The following FAT2 variants were observed in gnomAD, a reference collection of about 807,000 sequenced individuals.
The protein encoded by FAT2 is protocadherin Fat 2.
FAT2 carries 150 observed loss-of-function variants against 295.3 expected under a neutral mutation model. That is an observed-to-expected ratio of 0.51 (90% CI 0.44 to 0.58). FAT2 has a LOEUF of 0.58. Ranked by LOEUF, FAT2 falls within the 20% of genes least tolerant of loss-of-function variation. The probability of loss-of-function intolerance (pLI) is 0.00; values close to 1 mark genes in which losing one functional copy is unlikely to be tolerated. For missense variants in FAT2, 4,868 were observed against 5,442.7 expected (o/e 0.89, Z 3.32); for synonymous variants, 2,026 against 2,150.3 (o/e 0.94, Z 1.60).
intron 11 of FAT2, among the ~76,000 whole-genome samples, chr5:151,538,393 T>G (rs1755714538): frequency 6.6e-6 from 1 of 152,178 alleles, no homozygotes; most frequent in Non-Finnish European, 1.5e-5. Flanking sequence ...GGCGAGGCCA[T>G]GCTATTAAGC....
chr5:151,508,841 A>G (rs1281843945), intron 22 of FAT2, among the ~76,000 whole-genome samples: 1 of 152,184 alleles, frequency 6.6e-6, no homozygotes, highest in Non-Finnish European at 1.5e-5. Flanking sequence ...TCTTATACAC[A>G]GGCTAATAGC....
intron 2 of FAT2, among the ~76,000 whole-genome samples, chr5:151,564,641 G>T (rs948371792): frequency 1.2e-4 from 18 of 152,288 alleles, no homozygotes; most frequent in African/African-American, 4.1e-4. Context: ...GTGGGCACTC[G>T]AACAGTGCTG....
chr5:151,537,213 A>G (rs1043607293), intron 12 of FAT2, among the ~76,000 whole-genome samples: 6 of 133,736 alleles, frequency 4.5e-5, no homozygotes, highest in Admixed American at 1.6e-4. Flanking sequence ...GAAGAAGAGG[A>G]AGAAGAAGAG....
chr5:151,538,041 AAG>A (rs1755653818), intron 11 of FAT2, 95 bp from the exon 12 acceptor site: 2 of 1,106,330 alleles, frequency 1.8e-6, no homozygotes, highest in African/African-American at 3.1e-5. Flanking sequence ...CAGAAGCAGA[AAG>A]AGAGACACTA....
In FAT2 at chr5:151,540,777, G is replaced by A. The variant is rs1367255027; in HGVS notation, c.8843-14C>T. 1.9e-6 allele frequency: 3 copies of A among 1,599,906 alleles called. No homozygotes were observed. Among genetic ancestry groups the A allele is most frequent in the Non-Finnish European group, 2.6e-6 (3 of 1,169,776 alleles). ...GGGGGTCTCCCTCTAAACAGATGGG[G>A]CAGAGCTTTCAGAAGCCAAGCAATA... On this transcript the variant is annotated splice_polypyrimidine_tract_variant and intron_variant, in intron 10 of 23. Coordinates refer to ENST00000261800, the MANE Select transcript of FAT2 (RefSeq NM_001447.3).
Position 151,521,858 on chromosome 5 carries a change from A to C in FAT2, c.10735T>G (p.Ser3579Ala), listed in dbSNP as rs1048575237. The C allele has an allele frequency of 6.2e-7, 1 of 1,614,204 alleles. No homozygotes were observed. Among genetic ancestry groups the C allele is most frequent in the Middle Eastern group, 1.6e-4 (1 of 6,062 alleles). ...AEEETLGRHF[S>A]VGAPDGKIIA... ...ATCTTGCCATCAGGCGCACCCACTG[A>C]GAAGTGCCTGCCCAGGGTCTCCTCT... The change falls in exon 19 of 24, where the codon TCA (serine) becomes GCA (alanine). Residue 3579 changes from serine to alanine, a missense_variant. By Grantham distance (99) the Ser-to-Ala change is moderately conservative (BLOSUM62 1). Around this residue, in one of 5 missense-constraint regions of FAT2, gnomAD observed 1,046 missense variants for 1,210.1 expected, o/e 0.86. Transcript: ENST00000261800.
At chr5:151,570,557 G>A (rs1758481065) in intron 1 of FAT2, among the ~76,000 whole-genome samples, 1 of 152,228 alleles carries the variant, frequency 6.6e-6, no homozygotes, top group Admixed American at 6.5e-5. Context: ...CAGCCTGGGT[G>A]AAAATGTGAG....
At chr5:151,540,794 C>T (rs748838870) in intron 10 of FAT2, 31 bp from the exon 11 acceptor site, 2 of 1,586,700 alleles carry the variant, frequency 1.3e-6, no homozygotes, top group South Asian at 2.2e-5. Context: ...TTTCAGAAGC[C>T]AAGCAATAGG....
intron 1 of FAT2, among the ~76,000 whole-genome samples, chr5:151,569,605 A>G (rs1033018876): frequency 2.0e-4 from 30 of 152,226 alleles, no homozygotes; most frequent in South Asian, 1.0e-3. Flanking sequence ...GCTGAAGAAT[A>G]GCAGACTAGT....
intron 1 of FAT2, among the ~76,000 whole-genome samples, chr5:151,574,032 T>C (rs929709078): frequency 3.3e-5 from 5 of 152,174 alleles, no homozygotes; most frequent in African/African-American, 1.2e-4. Flanking sequence ...GGCATGGTTC[T>C]TTGGCCTGTG....
At chr5:151,530,387 C>A (rs990268563) in intron 14 of FAT2, among the ~76,000 whole-genome samples, 1 of 152,090 alleles carries the variant, frequency 6.6e-6, no homozygotes, top group African/African-American at 2.4e-5. Context: ...AAATGTCATT[C>A]CTAGGAAATA....
intron 7 of FAT2, 142 bp downstream of exon 7, chr5:151,551,325 G>C (rs950220663): frequency 2.2e-5 from 18 of 829,122 alleles, no homozygotes; most frequent in Non-Finnish European, 3.4e-5. Flanking sequence ...GAAGTAGAGA[G>C]TGTATTAGAC....
At chr5:151,515,004 C>T (rs1323339897) in intron 20 of FAT2, among the ~76,000 whole-genome samples, 2 of 152,116 alleles carry the variant, frequency 1.3e-5, no homozygotes, top group African/African-American at 4.8e-5. Context: ...AGGTTGTCTT[C>T]ACCTCAGTTT....
At chr5:151,574,709 T>C (rs894917385) in intron 1 of FAT2, among the ~76,000 whole-genome samples, 13 of 152,236 alleles carry the variant, frequency 8.5e-5, no homozygotes, top group Non-Finnish European at 8.8e-5. Flanking sequence ...ACCAGCTCTA[T>C]TGGTTTAAGA....
rs2127644923 is a variant in FAT2 at position 151,565,958 on chromosome 5, G to A, written c.2974C>T (p.Arg992Ter). The change falls in exon 2 of 24, where the codon CGA becomes TGA. Residue 992 changes from arginine (R) to a stop codon, truncating the protein, a stop_gained. Coordinates refer to ENST00000261800, the MANE Select transcript of FAT2 (RefSeq NM_001447.3). LOFTEE classifies it high-confidence loss of function. ...ILERELDFER[R>*]AGYNLSLWAS... is the part of the protein sequence containing the mutation. Reference sequence around the variant, plus strand: ...CACAGGCTCAGATTGTACCCAGCTCGCCTCTCAAAGTCCAGCTCTCTCTCC... The same window carrying A: ...CACAGGCTCAGATTGTACCCAGCTCACCTCTCAAAGTCCAGCTCTCTCTCC... The A allele has an allele frequency of 2.5e-6, 4 of 1,613,896 alleles. No individual in the cohort carries two copies. The highest frequency in any genetic ancestry group is 1.7e-5 in the Admixed American group (1 of 59,998).
In FAT2 at chr5:151,544,978, C is replaced by A. The variant is rs61743243; in HGVS notation, c.6149G>T (p.Arg2050Leu). ...VEVRDNRTPQ[R>L]VAQGLVRVSI... ...GACTCTGACCAAACCCTGAGCCACC[C>A]GCTGAGGTGTCCGATTGTCCCTCAC... Residue 2050 changes from arginine (R) to leucine (L), a missense_variant, in exon 10 of 24, where the codon CGG becomes CTG. Arg to Leu is a moderately radical substitution (Grantham distance 102, BLOSUM62 -2). Around this residue, in one of 5 missense-constraint regions of FAT2, gnomAD observed 3,297 missense variants for 3,669.4 expected, o/e 0.90. Transcript: ENST00000261800. The A allele has an allele frequency of 2.5e-6, 4 of 1,614,172 alleles. No homozygotes were observed. Among genetic ancestry groups the A allele is most frequent in the South Asian group, 1.1e-5 (1 of 91,076 alleles).
In FAT2 at chr5:151,506,090, A is replaced by G; in HGVS notation, c.12525T>C (p.Pro4175=). Residue 4175 remains proline, a synonymous_variant, in exon 24 of 24, where the codon CCT becomes CCC. Transcript: ENST00000261800. ...TAGGGGGCCAGACCATGGCTCCGCCAGGGTACACTGAAAGGGAACAGCAAG... is the reference window on the plus strand; with the variant it reads ...TAGGGGGCCAGACCATGGCTCCGCCGGGGTACACTGAAAGGGAACAGCAAG... ...RTWSSEEMVY[P]GGAMVWPPTY... 6.6e-7 allele frequency: 1 copy of G among 1,516,128 alleles called. No homozygotes were observed. The highest frequency in any genetic ancestry group is 8.8e-7 in the Non-Finnish European group (1 of 1,141,824). The allele number at this position is 1,516,128 out of a possible 1,614,324, so 93.9% of individuals were successfully genotyped here.
At position 151,512,234 on chromosome 5, in the gene FAT2, G is replaced by A. The variant is rs1306510352; in HGVS notation, c.11836C>T (p.Leu3946Phe). ...TTCTGGCTGCAGTAGTCACTGTGGAGGCAGCACTGGGTGAGGGCTTGTGTC... is the reference window on the plus strand; with the variant it reads ...TTCTGGCTGCAGTAGTCACTGTGGAAGCAGCACTGGGTGAGGGCTTGTGTC... The part of the protein sequence containing the change: ...LETQALTQCC[L>F]HSDYCSQNTC... Residue 3946 changes from leucine (L) to phenylalanine (F), a missense_variant, in exon 21 of 24, where the codon CTC (leucine) becomes TTC (phenylalanine). Leu to Phe is a conservative substitution (Grantham distance 22). Transcript: ENST00000261800. This position sits in a 1 kb window ranked among gnomAD's most constrained non-coding sequence, Gnocchi z 4.1. The A allele has an allele frequency of 7.4e-6, 12 of 1,614,094 alleles. No individual in the cohort carries two copies. The highest frequency in any genetic ancestry group is 1.0e-5 in the Non-Finnish European group (12 of 1,180,044).
At chr5:151,538,961 C>A (rs1490427926) in intron 11 of FAT2, among the ~76,000 whole-genome samples, 1 of 152,064 alleles carries the variant, frequency 6.6e-6, no homozygotes, top group Non-Finnish European at 1.5e-5. Context: ...GCTTGGATTA[C>A]AGACGTGGAT....
Sources: allele counts gnomAD v4.1 joint callset (sites outside exome capture counted in the v4.1 genomes callset), GRCh38; gene constraint gnomAD v4.1.1; regional missense constraint gnomAD v4.1.1; non-coding constraint Gnocchi (gnomAD v3.1); transcripts MANE v1.5; gene names NCBI Gene and HGNC (gene_info 2026-07-23, HGNC 2026-07-21).